The following RBMS1 variants were observed in gnomAD, a reference collection of about 807,000 sequenced individuals.
The protein encoded by RBMS1 is RNA binding motif single stranded interacting protein 1.
A neutral mutation model predicts 62.3 loss-of-function variants in RBMS1; 17 were observed. That is an observed-to-expected ratio of 0.27 (90% CI 0.19 to 0.41). The LOEUF is 0.41. Ranked by LOEUF, RBMS1 falls within the 10% of genes least tolerant of loss-of-function variation. RBMS1 has a pLI of 1.00. For synonymous variants in RBMS1, 172 were observed against 170.0 expected (o/e 1.01, Z -0.09); for missense variants, 334 against 504.5 (o/e 0.66, Z 3.24).
At chr2:160,441,533 G>A (rs1196846896) in intron 1 of RBMS1, among the ~76,000 whole-genome samples, 1 of 152,150 alleles carries the variant, frequency 6.6e-6, no homozygotes, top group African/African-American at 2.4e-5. Flanking sequence ...AGACCAACCT[G>A]GGGAACATGG....
At chr2:160,486,405 G>A (rs542996097) in intron 1 of RBMS1, among the ~76,000 whole-genome samples, 21 of 152,246 alleles carry the variant, frequency 1.4e-4, no homozygotes, top group African/African-American at 4.8e-4. Context: ...CTAGTATTGT[G>A]TGAAATGGGT....
At chr2:160,473,232 C>G (rs1684993733) in intron 1 of RBMS1, among the ~76,000 whole-genome samples, 2 of 152,082 alleles carry the variant, frequency 1.3e-5, no homozygotes, top group Admixed American at 6.6e-5. Flanking sequence ...TCACTTTTTC[C>G]CCATGCACAC....
At chr2:160,292,964 T>G (rs1320094632) in intron 6 of RBMS1, among the ~76,000 whole-genome samples, 1 of 152,200 alleles carries the variant, frequency 6.6e-6, no homozygotes, top group East Asian at 1.9e-4. Context: ...GCTTTTGCTG[T>G]CACGACAACA....
intron 1 of RBMS1, among the ~76,000 whole-genome samples, chr2:160,469,683 C>G (rs1462221820): frequency 6.6e-6 from 1 of 152,188 alleles, no homozygotes; most frequent in African/African-American, 2.4e-5. Flanking sequence ...GTAACTAACT[C>G]TCAAACAAGC....
intron 2 of RBMS1, among the ~76,000 whole-genome samples, chr2:160,362,816 C>T (rs144322661): frequency 7.4e-4 from 112 of 151,788 alleles, no homozygotes; most frequent in African/African-American, 2.5e-3. Flanking sequence ...CACAGTAAAA[C>T]GAGGTATGCC....
intron 1 of RBMS1, among the ~76,000 whole-genome samples, chr2:160,476,779 C>T (rs1685155508): frequency 1.3e-5 from 2 of 151,928 alleles, no homozygotes; most frequent in African/African-American, 4.8e-5. Context: ...TGGTCTCGAT[C>T]TCCTGACCTC....
chr2:160,280,466 C>T (rs748873449), intron 10 of RBMS1, among the ~76,000 whole-genome samples: 25 of 152,192 alleles, frequency 1.6e-4, no homozygotes, highest in East Asian at 1.9e-4. Flanking sequence ...GGTCTTACAT[C>T]GCAGTATCCA....
chr2:160,293,572 T>G (rs541955400), intron 6 of RBMS1, among the ~76,000 whole-genome samples: 1 of 152,180 alleles, frequency 6.6e-6, no homozygotes, highest in Non-Finnish European at 1.5e-5. Context: ...CAGGGACTTA[T>G]TCACACTCCA....
At chr2:160,401,544 G>A (rs548974108) in intron 1 of RBMS1, among the ~76,000 whole-genome samples, 1 of 152,176 alleles carries the variant, frequency 6.6e-6, no homozygotes, top group South Asian at 2.1e-4. Context: ...GTACAGATGC[G>A]AGTTTAAAAA....
At chr2:160,441,575 A>G (rs989405879) in intron 1 of RBMS1, among the ~76,000 whole-genome samples, 1 of 152,190 alleles carries the variant, frequency 6.6e-6, no homozygotes, top group African/African-American at 2.4e-5. Flanking sequence ...AATTTAAAAA[A>G]TTATCTGGGT....
intron 1 of RBMS1, among the ~76,000 whole-genome samples, chr2:160,488,518 G>A (rs971334167): frequency 6.6e-6 from 1 of 152,182 alleles, no homozygotes; most frequent in African/African-American, 2.4e-5. Context: ...AGAGGTTGTA[G>A]TGAGCCGAGA....
chr2:160,411,768 G>A (rs577894489), intron 1 of RBMS1, among the ~76,000 whole-genome samples: 6 of 152,176 alleles, frequency 3.9e-5, no homozygotes, highest in Non-Finnish European at 7.3e-5. Context: ...GTGATGCCTA[G>A]ATTTAAATGG....
At chr2:160,301,629 C>A (rs1190620742) in intron 5 of RBMS1, among the ~76,000 whole-genome samples, 1 of 152,148 alleles carries the variant, frequency 6.6e-6, no homozygotes, top group African/African-American at 2.4e-5. Context: ...GTCATTTTAA[C>A]AAGTGGAGCA....
Position 160,300,674 on chromosome 2 carries a change from A to C in RBMS1, c.617T>G (p.Ile206Ser). The C allele has an allele frequency of 6.2e-7, 1 of 1,603,450 alleles. No individual in the cohort carries two copies. ...ACCAGAAACTCCTGGTGGTGTCTTA[A>C]TAAATTTTCCATTAAAATGACCAAT... The part of the protein sequence containing the change: ...AVIGHFNGKF[I>S]KTPPGVSAPT... Residue 206 changes from isoleucine to serine, a missense_variant, in exon 6 of 14, where the codon ATT becomes AGT. Around this residue, in one of 3 missense-constraint regions of RBMS1, gnomAD observed 182 missense variants for 257.7 expected, o/e 0.71. Coordinates refer to ENST00000348849, the MANE Select transcript of RBMS1 (RefSeq NM_016836.4).
At chr2:160,410,084 T>C (rs1271962256) in intron 1 of RBMS1, among the ~76,000 whole-genome samples, 8 of 150,842 alleles carry the variant, frequency 5.3e-5, no homozygotes, top group African/African-American at 1.7e-4. Context: ...TAGCCGGGCA[T>C]AGTGGCGGGC....
At chr2:160,478,686 T>C (rs1328722280) in intron 1 of RBMS1, among the ~76,000 whole-genome samples, 1 of 152,226 alleles carries the variant, frequency 6.6e-6, no homozygotes, top group Non-Finnish European at 1.5e-5. Flanking sequence ...GTATTTGATT[T>C]TCCTAATGCA....
At chr2:160,332,186 G>C (rs2105984576) in intron 2 of RBMS1, among the ~76,000 whole-genome samples, 1 of 152,268 alleles carries the variant, frequency 6.6e-6, no homozygotes, top group African/African-American at 2.4e-5. Flanking sequence ...TAGAGGCTTT[G>C]ATATCCCTGC....
chr2:160,344,483 G>A (rs1331592815), intron 2 of RBMS1, among the ~76,000 whole-genome samples: 1 of 151,942 alleles, frequency 6.6e-6, no homozygotes, highest in Admixed American at 6.6e-5. Context: ...TTTTGTTGTT[G>A]TTATTTCTAG....
At chr2:160,285,078 C>G (rs1419819758) in intron 7 of RBMS1, 34 bp from the exon 8 acceptor site, 1 of 1,587,968 alleles carries the variant, frequency 6.3e-7, no homozygotes, top group Non-Finnish European at 8.6e-7. Flanking sequence ...AAACATTCAT[C>G]TAGAAAGGCA....
Sources: allele counts gnomAD v4.1 joint callset (sites outside exome capture counted in the v4.1 genomes callset), GRCh38; gene constraint gnomAD v4.1.1; regional missense constraint gnomAD v4.1.1; transcripts MANE v1.5; gene names NCBI Gene and HGNC (gene_info 2026-07-23, HGNC 2026-07-21).